The following DNAH7 variants were observed in gnomAD, a reference collection of about 807,000 sequenced individuals.
DNAH7 encodes dynein axonemal heavy chain 7.
A neutral mutation model predicts 444.6 loss-of-function variants in DNAH7; 397 were observed. The ratio of observed to expected loss-of-function variants is 0.89; its 90% confidence interval spans 0.82 to 0.97. The LOEUF is 0.97. Ranked by LOEUF, DNAH7 falls within the 50% of genes least tolerant of loss-of-function variation. DNAH7 has a pLI of 0.00. For synonymous variants in DNAH7, 1,636 were observed against 1,624.4 expected (o/e 1.01, Z -0.17); for missense variants, 4,902 against 4,800.8 (o/e 1.02, Z -0.62).
At chr2:195,996,759 T>G (rs1239540759) in intron 12 of DNAH7, among the ~76,000 whole-genome samples, 1 of 152,218 alleles carries the variant, frequency 6.6e-6, no homozygotes, top group Non-Finnish European at 1.5e-5. Context: ...ATGCTCTACC[T>G]GTTGCCCAGA....
At chr2:196,010,612 T>C (rs760110913) in intron 10 of DNAH7, among the ~76,000 whole-genome samples, 3 of 152,166 alleles carry the variant, frequency 2.0e-5, no homozygotes, top group Non-Finnish European at 4.4e-5. Flanking sequence ...ATCAAAGAGA[T>C]AGCTGTACTC....
intron 17 of DNAH7, among the ~76,000 whole-genome samples, 182 bp from the exon 18 acceptor site, chr2:195,961,127 A>G (rs1427948832): frequency 6.6e-6 from 1 of 152,206 alleles, no homozygotes; most frequent in Non-Finnish European, 1.5e-5. Flanking sequence ...TCTTTTTTTA[A>G]TTGACAAAAA....
chr2:196,023,756 G>C (rs1273366400), intron 8 of DNAH7, among the ~76,000 whole-genome samples: 3 of 152,184 alleles, frequency 2.0e-5, no homozygotes, highest in Non-Finnish European at 4.4e-5. Context: ...TAGAGGCCTA[G>C]CTGTGGCCTA....
chr2:195,817,035 T>C (rs986960164), intron 50 of DNAH7, 72 bp from the exon 51 acceptor site: 4 of 1,161,152 alleles, frequency 3.4e-6, no homozygotes, highest in Admixed American at 5.8e-5. Flanking sequence ...TGTTCTTTTA[T>C]AAGAAACAAA....
chr2:195,807,355 A>G (rs771028923), intron 53 of DNAH7, among the ~76,000 whole-genome samples: 1 of 151,952 alleles, frequency 6.6e-6, no homozygotes, highest in Non-Finnish European at 1.5e-5. Flanking sequence ...ATGGGGTTTC[A>G]CCATGTTGGC....
chr2:196,043,721 A>C (rs2125837026), intron 5 of DNAH7, among the ~76,000 whole-genome samples: 1 of 152,230 alleles, frequency 6.6e-6, no homozygotes, highest in Non-Finnish European at 1.5e-5. Context: ...GAAGAAAAAA[A>C]ATCCCATCAA....
At chr2:195,843,851 T>C (rs1574542743) in intron 47 of DNAH7, among the ~76,000 whole-genome samples, 1 of 152,120 alleles carries the variant, frequency 6.6e-6, no homozygotes, top group South Asian at 2.1e-4. Flanking sequence ...AATCCCAGCA[T>C]TTTGGGAGGC....
At chr2:195,794,905 A>G (rs770203127) in intron 56 of DNAH7, among the ~76,000 whole-genome samples, 2 of 152,260 alleles carry the variant, frequency 1.3e-5, no homozygotes, top group Non-Finnish European at 2.9e-5. Flanking sequence ...GCTAGATTAA[A>G]GACTAATCCA....
chr2:195,808,837 T>A lies in DNAH7; in HGVS notation c.9928A>T (p.Ile3310Phe), dbSNP rs773351185. 9.9e-6 allele frequency: 16 copies of A among 1,613,802 alleles called. No homozygotes were observed. Among genetic ancestry groups the A allele is most frequent in the Non-Finnish European group, 1.4e-5 (16 of 1,179,858 alleles). Reference protein sequence around the residue: ...AEWRFLLTGGIGLDNPYANLC... With the variant: ...AEWRFLLTGGFGLDNPYANLC... ...TTGGCATAAGGATTATCCAGTCCAA[T>A]GCCACCAGTTAGCAGAAATCTCCAC... is the stretch of plus-strand genomic sequence containing the variant. The change falls in exon 53 of 65, where the codon ATT (isoleucine) becomes TTT (phenylalanine). Residue 3310 changes from isoleucine to phenylalanine, a missense_variant. By Grantham distance (21) the Ile-to-Phe change is conservative (BLOSUM62 0). Coordinates refer to ENST00000312428, the MANE Select transcript of DNAH7 (RefSeq NM_018897.3).
chr2:196,051,949 T>C (rs185844998), intron 2 of DNAH7, among the ~76,000 whole-genome samples: 1 of 152,318 alleles, frequency 6.6e-6, no homozygotes, highest in African/African-American at 2.4e-5. Context: ...CCAGACATAC[T>C]GGAGGCCACC....
In DNAH7 at chr2:195,932,777, T is replaced by C. The variant is rs543809821; in HGVS notation, c.3471+1814A>G. On this transcript the variant is annotated intron_variant, in intron 21 of 64. Coordinates refer to ENST00000312428, the MANE Select transcript of DNAH7 (RefSeq NM_018897.3). ...CATCCCAGGGATGAAGCCCACTTGA[T>C]TGTGGTGGATAAGCTTTTTGATGTG... Among the ~76,000 whole-genome samples, 5 of 152,282 alleles carry C rather than the reference T, an allele frequency of 3.3e-5. No homozygotes were observed. In the East Asian group the frequency reaches 5.8e-4, roughly 18 times the overall value.
intron 61 of DNAH7, among the ~76,000 whole-genome samples, chr2:195,764,931 C>G (rs1694505351): frequency 6.6e-6 from 1 of 151,058 alleles, no homozygotes; most frequent in African/African-American, 2.4e-5. Flanking sequence ...ATAGCCAAAG[C>G]TATCCTGAGC....
chr2:195,960,363 A>C lies in DNAH7; in HGVS notation c.2788T>G (p.Leu930Val). Residue 930 changes from leucine (L) to valine (V), a missense_variant, in exon 18 of 65, where the codon TTG becomes GTG. By Grantham distance (32) the Leu-to-Val change is conservative. Transcript: ENST00000312428. ...HSYRETGTFI[L>V]ASVDEIQMLL... The stretch of plus-strand genomic sequence containing the variant: ...ATCTGAATTTCATCAACTGATGCCA[A>C]AATAAATGTCCCAGTTTCTCTATAA... The C allele has an allele frequency of 1.2e-6, 2 of 1,614,102 alleles. No homozygotes were observed. The highest frequency in any genetic ancestry group is 1.7e-6 in the Non-Finnish European group (2 of 1,180,008).
chr2:196,050,548 C>T (rs1472034308), intron 3 of DNAH7, among the ~76,000 whole-genome samples: 1 of 151,934 alleles, frequency 6.6e-6, no homozygotes, highest in East Asian at 1.9e-4. Context: ...TGCATTGACC[C>T]TCCCCTTAAA....
chr2:195,857,809 C>T (rs569405416), intron 43 of DNAH7, 86 bp from the exon 44 acceptor site: 2 of 1,153,320 alleles, frequency 1.7e-6, no homozygotes, highest in Non-Finnish European at 2.4e-6. Flanking sequence ...ACTAAGCATA[C>T]AGAAACTCAC....
intron 2 of DNAH7, among the ~76,000 whole-genome samples, chr2:196,057,677 T>G (rs1697892077): frequency 6.6e-6 from 1 of 152,232 alleles, no homozygotes; most frequent in African/African-American, 2.4e-5. Context: ...ACACAGTTCA[T>G]GCTGAGCTCT....
At chr2:195,747,691 C>A (rs944546760) in intron 63 of DNAH7, among the ~76,000 whole-genome samples, 5 of 152,264 alleles carry the variant, frequency 3.3e-5, no homozygotes, top group African/African-American at 1.2e-4. Context: ...ATATGCAAAT[C>A]AATAAATGTA....
intron 36 of DNAH7, among the ~76,000 whole-genome samples, chr2:195,881,516 C>G (rs1329201910): frequency 1.5e-4 from 23 of 152,074 alleles, no homozygotes. Flanking sequence ...TCATGTGGAA[C>G]AAGCAATTCT....
chr2:195,918,970 G>A (rs2125336837), intron 24 of DNAH7, among the ~76,000 whole-genome samples: 1 of 152,226 alleles, frequency 6.6e-6, no homozygotes, highest in Admixed American at 6.5e-5. Context: ...AAGATTTTGG[G>A]CCAGGCGCAG....
Sources: gnomAD v4.1 joint callset for allele counts (sites outside exome capture counted in the v4.1 genomes callset) on GRCh38, gnomAD v4.1.1 for gene constraint, MANE v1.5 for transcripts, NCBI Gene and HGNC (gene_info 2026-07-23, HGNC 2026-07-21) for gene names.